KCNH1: variants seen among roughly 807,000 people sequenced by gnomAD.
KCNH1 encodes the protein potassium voltage-gated channel subfamily H member 1.
KCNH1 carries 27 observed loss-of-function variants against 69.2 expected under a neutral mutation model. That is an observed-to-expected ratio of 0.39 (90% CI 0.29 to 0.54). KCNH1 has a LOEUF of 0.54. KCNH1 is among the 20% of genes least tolerant of loss of function. KCNH1 has a pLI of 0.68. For missense variants in KCNH1, 798 were observed against 1,261.6 expected, an observed-to-expected ratio of 0.63 and a Z score of 5.57; for synonymous variants, 456 against 487.7, an observed-to-expected ratio of 0.93 and a Z score of 0.86.
At chr1:210,783,824 C>A (rs964556269) in intron 9 of KCNH1, among the ~76,000 whole-genome samples, 5 of 152,204 alleles carry the variant, frequency 3.3e-5, no homozygotes, top group African/African-American at 1.2e-4. Flanking sequence ...TTTGTTGGAG[C>A]AGCTGAACCT....
chr1:210,924,034 A>T (rs1574341422), intron 6 of KCNH1, among the ~76,000 whole-genome samples: 2 of 152,232 alleles, frequency 1.3e-5, no homozygotes, highest in Admixed American at 6.5e-5. Flanking sequence ...ACAGATGCAG[A>T]TACAGGGACT....
rs1456791323 is a variant in KCNH1 at position 210,804,144 on chromosome 1, G to A, written c.1485C>T (p.Phe495=). ...MIGSLLYATI[F]GNVTTIFQQM... ...GTTGGAAAATAGTCGTCACATTCCC[G>A]AAGATGGTGGCATAGAGAAGTGCTA... The change falls in exon 8 of 11, where the codon TTC becomes TTT. Residue 495 remains phenylalanine (F), a synonymous_variant. Transcript: ENST00000271751. 8.7e-6 allele frequency: 14 copies of A among 1,612,710 alleles called. No individual in the cohort carries two copies. Among genetic ancestry groups the A allele is most frequent in the African/African-American group, 1.3e-5 (1 of 74,918 alleles).
intron 9 of KCNH1, among the ~76,000 whole-genome samples, chr1:210,793,620 T>C (rs1416359679): frequency 6.6e-6 from 1 of 152,210 alleles, no homozygotes; most frequent in Non-Finnish European, 1.5e-5. Flanking sequence ...AAACAGAGAA[T>C]GTGAGTGGAA....
intron 7 of KCNH1, 73 bp from the exon 8 acceptor site, chr1:210,804,239 C>T (rs1416474673): frequency 7.4e-7 from 1 of 1,345,422 alleles, no homozygotes; most frequent in Admixed American, 2.0e-5. Context: ...CCAGAATGCT[C>T]AGCTTGCTCA....
intron 6 of KCNH1, among the ~76,000 whole-genome samples, chr1:210,964,535 T>A (rs1688361813): frequency 6.6e-6 from 1 of 152,066 alleles, no homozygotes; most frequent in South Asian, 2.1e-4. Context: ...ATATACCCTC[T>A]CCCAAATCTA....
chr1:210,786,298 A>G (rs1179622897), intron 9 of KCNH1, among the ~76,000 whole-genome samples: 1 of 152,216 alleles, frequency 6.6e-6, no homozygotes, highest in Non-Finnish European at 1.5e-5. Context: ...AAAATGTGCC[A>G]GTTTACCTGG....
chr1:210,726,814 G>T lies in KCNH1; in HGVS notation c.2113-42676C>A, dbSNP rs543267397. On this transcript the variant is annotated intron_variant, in intron 10 of 10. Coordinates refer to ENST00000271751, the MANE Select transcript of KCNH1 (RefSeq NM_172362.3). ...GAACCATGGACAGTTCCCCGGCGGGGGTGGGGTGGACTACTCTCCTCTATT... is the reference window on the plus strand; with the variant it reads ...GAACCATGGACAGTTCCCCGGCGGGTGTGGGGTGGACTACTCTCCTCTATT... Among the ~76,000 whole-genome samples, 514 of 149,826 alleles carry T rather than the reference G, an allele frequency of 3.4e-3. 2 individuals carry two copies. The highest frequency in any genetic ancestry group is 0.012 in the African/African-American group (504 of 40,328).
chr1:210,841,981 TGA>T (rs1558492543), intron 7 of KCNH1, among the ~76,000 whole-genome samples: 1 of 152,142 alleles, frequency 6.6e-6, no homozygotes, highest in African/African-American at 2.4e-5. Context: ...GGCTATAACA[TGA>T]GCTCCTTCTT....
chr1:211,087,497 C>G (rs1364651618), intron 4 of KCNH1, among the ~76,000 whole-genome samples: 1 of 151,874 alleles, frequency 6.6e-6, no homozygotes, highest in Non-Finnish European at 1.5e-5. Context: ...TCCCAATTAT[C>G]TATAACAAAA....
chr1:210,686,205 G>A (rs1253300121), intron 10 of KCNH1, among the ~76,000 whole-genome samples: 1 of 152,192 alleles, frequency 6.6e-6, no homozygotes, highest in African/African-American at 2.4e-5. Context: ...CATGGGGGAT[G>A]GGAAAGTGAT....
At chr1:211,008,599 C>T (rs1378775222) in intron 6 of KCNH1, among the ~76,000 whole-genome samples, 2 of 152,174 alleles carry the variant, frequency 1.3e-5, no homozygotes, top group Non-Finnish European at 2.9e-5. Context: ...CTTATCTGTA[C>T]TTCAAGAATA....
chr1:211,011,683 G>C (rs111773992), intron 6 of KCNH1, among the ~76,000 whole-genome samples: 1 of 152,130 alleles, frequency 6.6e-6, no homozygotes, highest in Non-Finnish European at 1.5e-5. Context: ...AGGCAGGATC[G>C]ACTTCCTGCT....
At chr1:211,014,862 A>T (rs1326076982) in intron 6 of KCNH1, among the ~76,000 whole-genome samples, 3 of 152,198 alleles carry the variant, frequency 2.0e-5, no homozygotes, top group African/African-American at 7.2e-5. Context: ...TCGTAACTCC[A>T]CAACAGATCA....
chr1:210,893,980 A>G (rs571237660), intron 7 of KCNH1, among the ~76,000 whole-genome samples: 1 of 152,194 alleles, frequency 6.6e-6, no homozygotes, highest in Non-Finnish European at 1.5e-5. Flanking sequence ...CTACTTAAAT[A>G]TTGAAACATA....
chr1:210,709,049 G>A (rs752965212), intron 10 of KCNH1, among the ~76,000 whole-genome samples: 9 of 152,118 alleles, frequency 5.9e-5, no homozygotes, highest in Non-Finnish European at 1.3e-4. Context: ...CCAGTAGCTC[G>A]AGACCAGCCT....
chr1:210,758,787 C>A (rs537549962), intron 10 of KCNH1, among the ~76,000 whole-genome samples: 1 of 152,268 alleles, frequency 6.6e-6, no homozygotes, highest in South Asian at 2.1e-4. Flanking sequence ...CTGAAAGAAA[C>A]CACTTCTCAG....
chr1:211,068,994 G>A (rs1040124994), intron 5 of KCNH1, among the ~76,000 whole-genome samples: 1 of 152,184 alleles, frequency 6.6e-6, no homozygotes, highest in Non-Finnish European at 1.5e-5. Flanking sequence ...CAGTGAAGAC[G>A]GAAGAAAAAT....
intron 7 of KCNH1, among the ~76,000 whole-genome samples, chr1:210,893,584 T>C (rs1686795585): frequency 6.6e-6 from 1 of 151,998 alleles, no homozygotes; most frequent in Non-Finnish European, 1.5e-5. Flanking sequence ...TTTCAGCCAT[T>C]ATTTCTTCAA....
chr1:210,977,301 G>A (rs900878782), intron 6 of KCNH1, among the ~76,000 whole-genome samples: 3 of 152,112 alleles, frequency 2.0e-5, no homozygotes, highest in Non-Finnish European at 4.4e-5. Flanking sequence ...TCGTGAGGTG[G>A]GGGGAGTGGG....
Sources: allele counts gnomAD v4.1 joint callset (sites outside exome capture counted in the v4.1 genomes callset), GRCh38; gene constraint gnomAD v4.1.1; transcripts MANE v1.5; gene names NCBI Gene and HGNC (gene_info 2026-07-23, HGNC 2026-07-21).